Variants in PPP6R2 observed in about 807,000 individuals in gnomAD.
The protein encoded by PPP6R2 is serine/threonine-protein phosphatase 6 regulatory subunit 2.
PPP6R2 carries 62 observed loss-of-function variants against 100.2 expected under a neutral mutation model. The observed-to-expected ratio is 0.62, with a 90% CI of 0.50 to 0.76. The LOEUF (loss-of-function observed/expected upper bound fraction) is 0.76, where lower values mean the gene tolerates loss of function less well. Among genes scored for constraint, PPP6R2 ranks in the 30% least tolerant of loss-of-function variants. The pLI, the probability that PPP6R2 is intolerant of heterozygous loss-of-function variation, is 0.00. For synonymous variants in PPP6R2, 525 were observed against 514.7 expected, an observed-to-expected ratio of 1.02 and a Z score of -0.27; for missense variants, 1,142 against 1,276.3, an observed-to-expected ratio of 0.89 and a Z score of 1.60.
At chr22:50,338,029 G>T in the PPP6R2 span, among the ~76,000 whole-genome samples, 1 of 142,706 alleles carries the variant, frequency 7.0e-6, no homozygotes, top group Non-Finnish European at 1.5e-5. Flanking sequence ...GGGTATGTGT[G>T]GTGTGTTTGT....
chr22:50,396,494 CAAA>C (rs548563660), intron 3 of PPP6R2, among the ~76,000 whole-genome samples: 3 of 97,160 alleles, frequency 3.1e-5, no homozygotes, highest in Admixed American at 1.1e-4. Flanking sequence ...GACTCCGTCT[CAAA>C]AAAAAAAAAA....
chr22:50,443,888 CTGT>C lies in PPP6R2; in HGVS notation c.2604_2606del (p.Leu869del). 6.3e-7 allele frequency: 1 copy of C among 1,584,532 alleles called. No individual in the cohort carries two copies. The highest frequency in any genetic ancestry group is 8.6e-7 in the Non-Finnish European group (1 of 1,165,262). ...CAGGGTCGGGTGTGCTGACAGCCGG[CTGT>C]TAAGCCCTGCCTGCCCCGCGCCAAA... is the stretch of plus-strand genomic sequence containing the variant. On this transcript the variant is annotated inframe_deletion, in exon 23 of 24. Transcript: ENST00000612753.
rs750908168 is a variant in PPP6R2 at position 50,431,522 on chromosome 22, G to A, written c.1335+140G>A. 56 of 736,796 alleles carry A rather than the reference G, an allele frequency of 7.6e-5. 1 individual carries two copies. The highest frequency in any genetic ancestry group is 8.6e-5 in the Non-Finnish European group (39 of 455,188). 45.6% of individuals were successfully genotyped at this position (736,796 alleles called of 1,614,324 possible). ...TTTGAAAAGGGTCCCCAGGTGTCTG[G>A]TCAGACGCTCGTAGACAGTGGGGCT... is the stretch of plus-strand genomic sequence containing the variant. On this transcript the variant is annotated intron_variant, in intron 11 of 23. Transcript: ENST00000612753. This position sits in a 1 kb window ranked among gnomAD's most constrained non-coding sequence, Gnocchi z 4.8.
At chr22:50,394,688 C>A (rs1449675008) in intron 3 of PPP6R2, among the ~76,000 whole-genome samples, 8 of 150,406 alleles carry the variant, frequency 5.3e-5, no homozygotes, top group Non-Finnish European at 1.0e-4. Flanking sequence ...AGGCAGATCG[C>A]TAGGTCAGGA....
chr22:50,364,073 T>C (rs990722337), intron 1 of PPP6R2, among the ~76,000 whole-genome samples: 19 of 151,974 alleles, frequency 1.3e-4, no homozygotes, highest in African/African-American at 3.4e-4. Flanking sequence ...TTTTTTGTAT[T>C]TTTAGTAGAG....
chr22:50,438,431 T>TGCAGC (rs2064862816), intron 18 of PPP6R2, 133 bp downstream of exon 18: 1 of 1,470,544 alleles, frequency 6.8e-7, no homozygotes, highest in Non-Finnish European at 9.2e-7. Flanking sequence ...TGGGGCCCAA[T>TGCAGC]GCAGCGGGTG....
At chr22:50,338,525 G>T (rs2042329274), upstream of PPP6R2, among the ~76,000 whole-genome samples, 1 of 135,222 alleles carries the variant, frequency 7.4e-6, no homozygotes, top group Non-Finnish European at 1.6e-5. Context: ...TGTGTGTGCG[G>T]TGTGTGTGTA....
chr22:50,428,826 A>G (rs2062642190), intron 10 of PPP6R2, among the ~76,000 whole-genome samples: 2 of 152,086 alleles, frequency 1.3e-5, no homozygotes, highest in African/African-American at 4.8e-5. Flanking sequence ...TTTCTTGCCT[A>G]ATTGCTCTGG....
intron 1 of PPP6R2, among the ~76,000 whole-genome samples, chr22:50,365,973 C>T (rs1334888945): frequency 6.6e-6 from 1 of 152,012 alleles, no homozygotes; most frequent in African/African-American, 2.4e-5. Flanking sequence ...TTTTTCTTTT[C>T]CTGCTCCCTT....
chr22:50,431,355 C>A lies in PPP6R2; in HGVS notation c.1308C>A (p.Ser436Arg), dbSNP rs1257794827. The A allele has an allele frequency of 1.2e-6, 2 of 1,612,846 alleles. No homozygotes were observed. Among genetic ancestry groups the A allele is most frequent in the Admixed American group, 3.3e-5 (2 of 60,014 alleles). The change falls in exon 11 of 24, where the codon AGC (serine) becomes AGA (arginine). Residue 436 changes from serine to arginine, a missense_variant. Coordinates refer to ENST00000612753, the MANE Select transcript of PPP6R2 (RefSeq NM_001242898.2). The surrounding 1 kb of genome is among the most constrained non-coding windows in gnomAD (Gnocchi z 4.8). ...RSLETPQPAASLPDNTMVTHL... is the reference protein window; with the variant it reads ...RSLETPQPAARLPDNTMVTHL... The stretch of plus-strand genomic sequence containing the variant: ...TGGAGACTCCCCAGCCGGCCGCCAG[C>A]CTCCCTGACAACACAATGGTGACCC...
chr22:50,407,620 T>C (rs1192318690), intron 4 of PPP6R2: 2 of 152,312 alleles, frequency 1.3e-5, no homozygotes, highest in Admixed American at 6.5e-5. Context: ...AAGCAGTTAG[T>C]GAATTCATCT....
intron 2 of PPP6R2, among the ~76,000 whole-genome samples, chr22:50,383,398 T>C (rs2053539422): frequency 6.6e-6 from 1 of 152,214 alleles, no homozygotes; most frequent in Non-Finnish European, 1.5e-5. Flanking sequence ...TATTTTTTAG[T>C]TTTTAATTTT....
chr22:50,401,108 G>T (rs2057941694), intron 3 of PPP6R2, among the ~76,000 whole-genome samples: 1 of 152,128 alleles, frequency 6.6e-6, no homozygotes, highest in Non-Finnish European at 1.5e-5. Flanking sequence ...ATGTTGCCCA[G>T]TCTGGACTCA....
chr22:50,415,886 C>T (rs1185735926), intron 5 of PPP6R2, among the ~76,000 whole-genome samples: 1 of 152,154 alleles, frequency 6.6e-6, no homozygotes. Context: ...GGATGGTGGT[C>T]ATCCTTTATC....
At chr22:50,421,587 TTAAA>T (rs1366843164) in intron 8 of PPP6R2, among the ~76,000 whole-genome samples, 1 of 151,890 alleles carries the variant, frequency 6.6e-6, no homozygotes, top group Non-Finnish European at 1.5e-5. Flanking sequence ...GAAAGAGTGT[TTAAA>T]TAAATATCTC....
At position 50,389,820 on chromosome 22, in the gene PPP6R2, C is replaced by G. The variant is rs12159189; in HGVS notation, c.-16-4073C>G. On this transcript the variant is annotated intron_variant, in intron 2 of 23. Transcript: ENST00000612753. ...GCCAGGCTGGTCTCGAACTCCTGACCTCAAGTGATCTGCCCGCCTTGGCCC... is the reference window on the plus strand; with the variant it reads ...GCCAGGCTGGTCTCGAACTCCTGACGTCAAGTGATCTGCCCGCCTTGGCCC... Among the ~76,000 whole-genome samples the G allele has an allele frequency of 4.2e-3, 644 of 152,008 alleles. 4 individuals carry two copies. The highest frequency in any genetic ancestry group is 0.014 in the African/African-American group (586 of 41,458).
At chr22:50,358,885 T>G (rs1311119752) in intron 1 of PPP6R2, among the ~76,000 whole-genome samples, 2 of 152,124 alleles carry the variant, frequency 1.3e-5, no homozygotes, top group Non-Finnish European at 2.9e-5. Flanking sequence ...CTTATTTCTG[T>G]TTTTTCTGTT....
intron 1 of PPP6R2, among the ~76,000 whole-genome samples, chr22:50,354,736 G>T (rs917272363): frequency 2.6e-5 from 4 of 151,504 alleles, no homozygotes; most frequent in South Asian, 2.1e-4. Context: ...TGAGGCAGGG[G>T]TTGCAGTGAA....
upstream of PPP6R2, among the ~76,000 whole-genome samples, chr22:50,339,247 G>T (rs1359156155): frequency 2.2e-4 from 30 of 135,064 alleles, no homozygotes; most frequent in Non-Finnish European, 4.6e-4. Flanking sequence ...GGTGTGTGTT[G>T]TGTGTGTTGT....
Sources: gnomAD v4.1 joint callset for allele counts (sites outside exome capture counted in the v4.1 genomes callset) on GRCh38, gnomAD v4.1.1 for gene constraint, Gnocchi (gnomAD v3.1) non-coding constraint, MANE v1.5 for transcripts, NCBI Gene and HGNC (gene_info 2026-07-23, HGNC 2026-07-21) for gene names.